The following RALYL variants were observed in gnomAD, a reference collection of about 807,000 sequenced individuals.
RALYL encodes the protein RNA-binding Raly-like protein.
RALYL carries 29 observed loss-of-function variants against 35.1 expected under a neutral mutation model. The observed-to-expected ratio is 0.83, with a 90% CI of 0.61 to 1.13. The LOEUF (loss-of-function observed/expected upper bound fraction) is 1.13, where lower values mean the gene tolerates loss of function less well. Among genes scored for constraint, RALYL ranks in the 50% most tolerant of loss-of-function variants. The pLI is 0.00. For missense variants in RALYL, 359 were observed against 360.4 expected (o/e 1.00, Z 0.03); for synonymous variants, 120 against 127.6 (o/e 0.94, Z 0.40).
chr8:84,821,540 C>A (rs1381420222), intron 4 of RALYL, among the ~76,000 whole-genome samples: 1 of 152,110 alleles, frequency 6.6e-6, no homozygotes, highest in Non-Finnish European at 1.5e-5. Flanking sequence ...TATTGTGAAT[C>A]CCAGATTTGC....
intron 2 of RALYL, among the ~76,000 whole-genome samples, chr8:84,574,238 C>G (rs1297306152): frequency 6.6e-6 from 1 of 151,952 alleles, no homozygotes; most frequent in Non-Finnish European, 1.5e-5. Flanking sequence ...TCCTTAATTC[C>G]TTGGTTGTTC....
chr8:84,620,152 T>C (rs1284905234), intron 2 of RALYL, among the ~76,000 whole-genome samples: 1 of 152,010 alleles, frequency 6.6e-6, no homozygotes, highest in Admixed American at 6.6e-5. Flanking sequence ...CCTTGCTAGA[T>C]TGGGGAAGTT....
At chr8:84,336,114 A>G (rs1161642548) in intron 1 of RALYL, among the ~76,000 whole-genome samples, 1 of 152,168 alleles carries the variant, frequency 6.6e-6, no homozygotes, top group Non-Finnish European at 1.5e-5. Flanking sequence ...TACAATCTCT[A>G]TAGTACAGTG....
At chr8:84,320,956 C>T (rs1011086701) in intron 1 of RALYL, among the ~76,000 whole-genome samples, 1 of 151,970 alleles carries the variant, frequency 6.6e-6, no homozygotes. Flanking sequence ...TAATGACTTA[C>T]CATAGCACCA....
intron 3 of RALYL, among the ~76,000 whole-genome samples, chr8:84,779,804 G>T (rs10100824): frequency 1.3e-5 from 2 of 152,164 alleles, no homozygotes; most frequent in African/African-American, 2.4e-5. Context: ...CTGGACCTAC[G>T]TGAGTTTTGT....
At chr8:84,791,989 G>C (rs975837433) in intron 3 of RALYL, among the ~76,000 whole-genome samples, 4 of 152,162 alleles carry the variant, frequency 2.6e-5, no homozygotes, top group Admixed American at 6.5e-5. Flanking sequence ...CCTTAAGGGA[G>C]GGGGAGCATG....
rs368257565 is a variant in RALYL, at chr8:84,213,031, T to C, written c.-24+28607T>C. Among the ~76,000 whole-genome samples, 94 of 152,306 alleles carry C rather than the reference T, an allele frequency of 6.2e-4. 2 individuals carry two copies. In the East Asian group the frequency reaches 0.014, roughly 23 times the overall value. Reference sequence around the variant, plus strand: ...AATGAATTATCATTGTTCTCTTTTTTTACATTCTGGAAAATTCTCAGAGTA... The same window carrying C: ...AATGAATTATCATTGTTCTCTTTTTCTACATTCTGGAAAATTCTCAGAGTA... On this transcript the variant is annotated intron_variant, in intron 1 of 8. Coordinates refer to ENST00000521268, the MANE Select transcript of RALYL (RefSeq NM_173848.7).
chr8:84,195,714 C>G (rs2130928014), intron 1 of RALYL, among the ~76,000 whole-genome samples: 1 of 152,060 alleles, frequency 6.6e-6, no homozygotes, highest in African/African-American at 2.4e-5. Flanking sequence ...ATTCCAAAGC[C>G]AGGAATGTAT....
Position 84,629,768 on chromosome 8 carries a change from G to A in RALYL, c.256+100191G>A, listed in dbSNP as rs190832636. On this transcript the variant is annotated intron_variant, in intron 2 of 8. Transcript: ENST00000521268. ...ACAATACTGAAAGTGGTTTTCAAGT[G>A]GAATTATGTGTGATTATTTTCCCCT... is the stretch of plus-strand genomic sequence containing the variant. Among the ~76,000 whole-genome samples the A allele has an allele frequency of 2.0e-5, 3 of 152,006 alleles. No individual in the cohort carries two copies. In the East Asian group the frequency reaches 5.8e-4, roughly 30 times the overall value.
At chr8:84,343,656 G>A (rs1439814491) in intron 1 of RALYL, among the ~76,000 whole-genome samples, 1 of 151,418 alleles carries the variant, frequency 6.6e-6, no homozygotes, top group Non-Finnish European at 1.5e-5. Flanking sequence ...TTAAGAAAAG[G>A]TCTCACTCTG....
intron 2 of RALYL, among the ~76,000 whole-genome samples, chr8:84,612,038 A>G (rs1818418677): frequency 1.3e-5 from 2 of 151,994 alleles, no homozygotes; most frequent in Admixed American, 1.3e-4. Flanking sequence ...CTTACTAGTC[A>G]CAGCTCTTTT....
intron 2 of RALYL, 95 bp from the exon 3 acceptor site, chr8:84,774,484 A>G (rs1816349520): frequency 1.2e-6 from 1 of 803,054 alleles, no homozygotes. Flanking sequence ...ATTTGCATAA[A>G]CAAATAGTAA....
intron 2 of RALYL, among the ~76,000 whole-genome samples, chr8:84,633,638 G>A (rs1482612483): frequency 2.6e-5 from 4 of 151,860 alleles, no homozygotes; most frequent in Non-Finnish European, 5.9e-5. Context: ...AAGAGGCTAT[G>A]AGTCAATACT....
intron 2 of RALYL, among the ~76,000 whole-genome samples, chr8:84,642,524 C>T (rs1826589050): frequency 1.3e-5 from 2 of 151,908 alleles, no homozygotes; most frequent in African/African-American, 4.8e-5. Context: ...AGATAGAGAG[C>T]TTTAGAAGAT....
At chr8:84,776,036 C>T (rs1816757456) in intron 3 of RALYL, among the ~76,000 whole-genome samples, 1 of 152,150 alleles carries the variant, frequency 6.6e-6, no homozygotes. Flanking sequence ...GAAGAGTTAA[C>T]ATAAAAGTGT....
At chr8:84,281,065 A>C (rs918179061) in intron 1 of RALYL, among the ~76,000 whole-genome samples, 1 of 152,182 alleles carries the variant, frequency 6.6e-6, no homozygotes, top group Non-Finnish European at 1.5e-5. Flanking sequence ...GCTATGCAGC[A>C]CTTTCATTAG....
At chr8:84,713,799 A>G (rs1842551357) in intron 2 of RALYL, among the ~76,000 whole-genome samples, 1 of 151,654 alleles carries the variant, frequency 6.6e-6, no homozygotes, top group Admixed American at 6.6e-5. Flanking sequence ...TTATAGCAGA[A>G]TTACTCACAA....
intron 7 of RALYL, among the ~76,000 whole-genome samples, chr8:84,880,757 T>A (rs77048649): frequency 0.024 from 3,587 of 152,082 alleles, 147 homozygotes; most frequent in African/African-American, 0.081. Flanking sequence ...ACAAATCAGT[T>A]AGGACATTTT....
At position 84,873,311 on chromosome 8, in the gene RALYL, A is replaced by G. The variant is rs751482365; in HGVS notation, c.599A>G (p.Lys200Arg). The G allele has an allele frequency of 1.0e-5, 16 of 1,596,034 alleles. No individual in the cohort carries two copies. The East Asian group carries it at 1.6e-4, about 16-fold the overall frequency. The change falls in exon 7 of 9, where the codon AAG (lysine) becomes AGG (arginine). Residue 200 changes from lysine to arginine, a missense_variant. Physicochemically the swap from Lys to Arg is conservative, Grantham distance 26. Transcript: ENST00000521268. ...AAATCAGATGAGTTACAGACCATCA[A>G]GAAAGAATTAACCCAGATCAAAACT... ...KLKSDELQTI[K>R]KELTQIKTKI...
Sources: allele counts gnomAD v4.1 joint callset (sites outside exome capture counted in the v4.1 genomes callset), GRCh38; gene constraint gnomAD v4.1.1; transcripts MANE v1.5; gene names NCBI Gene and HGNC (gene_info 2026-07-23, HGNC 2026-07-21).